CCDC171: variants seen among roughly 807,000 people sequenced by gnomAD.
CCDC171 encodes coiled-coil domain containing 171, also known as coiled-coil domain-containing protein 171.
CCDC171 carries 177 observed loss-of-function variants against 168.2 expected under a neutral mutation model. That is an observed-to-expected ratio of 1.05 (90% CI 0.93 to 1.19). CCDC171 has a LOEUF of 1.19. CCDC171 is among the 50% of genes most tolerant of loss of function. CCDC171 has a pLI of 0.00. For missense variants in CCDC171, 1,991 were observed against 1,539.0 expected (o/e 1.29, Z -4.91); for synonymous variants, 687 against 540.8 (o/e 1.27, Z -3.75).
chr9:15,645,077 T>A (rs940373484), intron 7 of CCDC171, among the ~76,000 whole-genome samples: 5 of 152,222 alleles, frequency 3.3e-5, no homozygotes, highest in Non-Finnish European at 5.9e-5. Context: ...CAACATTGGC[T>A]GTTCAGCAAT....
intron 18 of CCDC171, among the ~76,000 whole-genome samples, chr9:15,767,151 A>G (rs1040123806): frequency 1.3e-5 from 2 of 152,214 alleles, no homozygotes; most frequent in African/African-American, 4.8e-5. Flanking sequence ...AATTGTCACA[A>G]TCTGTGGCTA....
At chr9:15,999,631 C>A (rs1832481708) in intron 3 of CCDC171, among the ~76,000 whole-genome samples, 1 of 152,208 alleles carries the variant, frequency 6.6e-6, no homozygotes, top group African/African-American at 2.4e-5. Flanking sequence ...CAGCTGTTGC[C>A]TCCAAGGACA....
At chr9:15,981,944 A>G (rs1831809343) in intron 3 of CCDC171, among the ~76,000 whole-genome samples, 1 of 152,204 alleles carries the variant, frequency 6.6e-6, no homozygotes, top group Non-Finnish European at 1.5e-5. Flanking sequence ...ATGAACAGTA[A>G]AAAGCTTTCA....
intron 3 of CCDC171, among the ~76,000 whole-genome samples, chr9:15,991,629 A>G (rs1037920619): frequency 1.3e-5 from 2 of 152,222 alleles, no homozygotes; most frequent in Non-Finnish European, 1.5e-5. Flanking sequence ...CAAAAAATCA[A>G]TGAATCCAGG....
chr9:15,968,243 A>G (rs933315699), intron 25 of CCDC171, among the ~76,000 whole-genome samples: 1 of 152,204 alleles, frequency 6.6e-6, no homozygotes, highest in South Asian at 2.1e-4. Flanking sequence ...AAAACTGCCT[A>G]AATTTAGATT....
At chr9:16,018,099 G>T (rs7858205) in intron 3 of CCDC171, among the ~76,000 whole-genome samples, 133 of 152,258 alleles carry the variant, frequency 8.7e-4, no homozygotes, top group African/African-American at 3.0e-3. Context: ...CTACAGTGCA[G>T]GAAGACCCCT....
intron 7 of CCDC171, among the ~76,000 whole-genome samples, chr9:15,624,876 A>C (rs1441014426): frequency 6.6e-6 from 1 of 152,200 alleles, no homozygotes; most frequent in African/African-American, 2.4e-5. Context: ...TAGATCCTTG[A>C]AGAATCGCCT....
At chr9:16,013,236 C>G (rs955316910) in intron 3 of CCDC171, among the ~76,000 whole-genome samples, 1 of 152,176 alleles carries the variant, frequency 6.6e-6, no homozygotes, top group Non-Finnish European at 1.5e-5. Context: ...CCTCCTGCCT[C>G]TGTCCACCCT....
At chr9:15,938,919 A>G (rs1339033096) in intron 25 of CCDC171, among the ~76,000 whole-genome samples, 2 of 151,814 alleles carry the variant, frequency 1.3e-5, no homozygotes, top group Non-Finnish European at 1.5e-5. Flanking sequence ...AGTATACACA[A>G]TAGATTTTAT....
At chr9:15,939,656 GA>G (rs1433826495) in intron 25 of CCDC171, among the ~76,000 whole-genome samples, 1 of 151,778 alleles carries the variant, frequency 6.6e-6, no homozygotes, top group Non-Finnish European at 1.5e-5. Flanking sequence ...CTAGAGAACA[GA>G]ATTTTTACTT....
chr9:15,955,856 A>G (rs981333407), intron 25 of CCDC171, among the ~76,000 whole-genome samples: 11 of 151,938 alleles, frequency 7.2e-5, no homozygotes, highest in Non-Finnish European at 1.5e-4. Flanking sequence ...ACGTGTGTGT[A>G]TGTGTGTGTG....
chr9:15,727,748 A>T (rs1420542484), intron 14 of CCDC171, 121 bp from the exon 15 acceptor site: 3 of 641,366 alleles, frequency 4.7e-6, no homozygotes, highest in African/African-American at 1.9e-5. Context: ...ATATTCTGAG[A>T]CTTGAGTATT....
intron 24 of CCDC171, chr9:15,875,975 G>A (rs1817789680): frequency 6.6e-6 from 1 of 152,004 alleles, no homozygotes. Context: ...AGTCTGATTT[G>A]AGATTTTTCT....
At chr9:15,720,658 T>G (rs2053418370) in intron 11 of CCDC171, among the ~76,000 whole-genome samples, 1 of 152,226 alleles carries the variant, frequency 6.6e-6, no homozygotes, top group Admixed American at 6.5e-5. Flanking sequence ...TTTTAACACT[T>G]AAAGAATAGT....
In CCDC171 at chr9:15,784,518, A is replaced by T; in HGVS notation, c.3091A>T (p.Thr1031Ser). 1 of 1,606,942 alleles carries T rather than the reference A, an allele frequency of 6.2e-7. No homozygotes were observed. The change falls in exon 21 of 26, where the codon ACC becomes TCC. Residue 1031 changes from threonine to serine, a missense_variant. Thr to Ser is a moderately conservative substitution (Grantham distance 58). Transcript: ENST00000380701. Reference protein sequence around the residue: ...LNEFKQSKLITHEKFESACEE... With the variant: ...LNEFKQSKLISHEKFESACEE... The stretch of plus-strand genomic sequence containing the variant: ...CTCCTCCTTTTTACAGAAATTGATC[A>T]CCCATGAGAAGTTTGAAAGTGCATG...
At chr9:15,957,742 T>C (rs1312025150) in intron 25 of CCDC171, among the ~76,000 whole-genome samples, 1 of 152,218 alleles carries the variant, frequency 6.6e-6, no homozygotes, top group African/African-American at 2.4e-5. Context: ...TGCATTTTCC[T>C]CTGATATAGA....
intron 7 of CCDC171, among the ~76,000 whole-genome samples, chr9:15,644,547 T>C (rs1278209994): frequency 1.3e-5 from 2 of 152,174 alleles, no homozygotes; most frequent in African/African-American, 4.8e-5. Flanking sequence ...CCCACCCTAA[T>C]ACTGCACTTT....
chr9:15,991,465 CAAGAG>C (rs1166280642), intron 3 of CCDC171, among the ~76,000 whole-genome samples: 1 of 148,268 alleles, frequency 6.7e-6, no homozygotes, highest in East Asian at 1.9e-4. Flanking sequence ...TAAATGCCCA[CAAGAG>C]AAAACAGGAA....
chr9:15,877,558 A>G (rs1178237035), intron 24 of CCDC171, among the ~76,000 whole-genome samples: 6 of 152,148 alleles, frequency 3.9e-5, no homozygotes, highest in Non-Finnish European at 8.8e-5. Flanking sequence ...AGGATGTTCC[A>G]ATGAGGCCAT....
Sources: gnomAD v4.1 joint callset for allele counts (sites outside exome capture counted in the v4.1 genomes callset) on GRCh38, gnomAD v4.1.1 for gene constraint, MANE v1.5 for transcripts, NCBI Gene and HGNC (gene_info 2026-07-23, HGNC 2026-07-21) for gene names.